ST3GAL2: variants seen among roughly 807,000 people sequenced by gnomAD.
ST3GAL2 encodes the protein ST3 beta-galactoside alpha-2,3-sialyltransferase 2, also known as CMP-N-acetylneuraminate-beta-galactosamide-alpha-2,3-sialyltransferase 2.
ST3GAL2 carries 16 observed loss-of-function variants against 37.5 expected under a neutral mutation model. The ratio of observed to expected loss-of-function variants is 0.43; its 90% confidence interval spans 0.29 to 0.65. The LOEUF (loss-of-function observed/expected upper bound fraction) is 0.65, where lower values mean the gene tolerates loss of function less well. Among genes scored for constraint, ST3GAL2 ranks in the 30% least tolerant of loss-of-function variants. The pLI is 0.17. For missense variants in ST3GAL2, 383 were observed against 487.8 expected (o/e 0.79, Z 2.02); for synonymous variants, 238 against 202.9 (o/e 1.17, Z -1.47).
intron 1 of ST3GAL2, among the ~76,000 whole-genome samples, chr16:70,433,528 C>T (rs2047805013): frequency 6.6e-6 from 1 of 152,174 alleles, no homozygotes; most frequent in African/African-American, 2.4e-5. Flanking sequence ...CAGCCCTTCC[C>T]TGGCCAAGGA....
At position 70,380,644 on chromosome 16, in the gene ST3GAL2, G is replaced by C. The variant is rs1423317796; in HGVS notation, c.*1045C>G. 1 of 152,400 alleles carries C rather than the reference G, an allele frequency of 6.6e-6. No homozygotes were observed. The highest frequency in any genetic ancestry group is 1.5e-5 in the Non-Finnish European group (1 of 68,176). 9.4% of individuals were successfully genotyped at this position (152,400 alleles called of 1,614,324 possible). On this transcript the variant is annotated 3_prime_UTR_variant, in exon 7 of 7. Transcript: ENST00000342907. ...CGGCTCCCGGCTGCGAGCTCTGCCA[G>C]CTCAGAATTTGCAAAGAATCTGCGG...
chr16:70,398,603 G>C lies in ST3GAL2; in HGVS notation c.-73C>G, dbSNP rs2047534215. ...CCGCTGAGGGGCCAGCCACGGCGTA[G>C]CCTGCCTATTCTGGCACCACATGCA... is the stretch of plus-strand genomic sequence containing the variant. On this transcript the variant is annotated 5_prime_UTR_variant, in exon 2 of 7. Coordinates refer to ENST00000342907, the MANE Select transcript of ST3GAL2 (RefSeq NM_006927.4). 7 of 1,419,152 alleles carry C rather than the reference G, an allele frequency of 4.9e-6. No homozygotes were observed. The highest frequency in any genetic ancestry group is 2.4e-4 in the Middle Eastern group (1 of 4,084). The allele number at this position is 1,419,152 out of a possible 1,614,324, so 87.9% of individuals were successfully genotyped here.
chr16:70,409,684 G>A (rs914831184), intron 1 of ST3GAL2, among the ~76,000 whole-genome samples: 1 of 151,912 alleles, frequency 6.6e-6, no homozygotes, highest in Non-Finnish European at 1.5e-5. Flanking sequence ...CTGCTGCCCA[G>A]ACTGGAATGC....
intron 1 of ST3GAL2, among the ~76,000 whole-genome samples, chr16:70,430,953 G>A (rs1374253225): frequency 1.3e-5 from 2 of 152,076 alleles, no homozygotes; most frequent in Non-Finnish European, 2.9e-5. Context: ...GCATCAAATC[G>A]CTGGTGCTTT....
chr16:70,421,426 C>T (rs548147734), intron 1 of ST3GAL2, among the ~76,000 whole-genome samples: 3 of 152,304 alleles, frequency 2.0e-5, no homozygotes, highest in Admixed American at 2.0e-4. Context: ...ACTGACCTGC[C>T]CTCCTGGATC....
intron 3 of ST3GAL2, among the ~76,000 whole-genome samples, chr16:70,389,920 G>A (rs2047471377): frequency 6.6e-6 from 1 of 151,888 alleles, no homozygotes; most frequent in Non-Finnish European, 1.5e-5. Flanking sequence ...CCAAGTAGCT[G>A]GGACTACAGG....
At chr16:70,437,187 C>CA (rs1188671207) in intron 1 of ST3GAL2, among the ~76,000 whole-genome samples, 4 of 152,238 alleles carry the variant, frequency 2.6e-5, no homozygotes, top group African/African-American at 9.6e-5. Flanking sequence ...CGCTCCCAGG[C>CA]AGGGTCACTC....
Position 70,398,409 on chromosome 16 carries a change from G to A in ST3GAL2, c.122C>T (p.Ala41Val). Residue 41 changes from alanine (A) to valine (V), a missense_variant, in exon 2 of 7, where the codon GCC becomes GTC. Physicochemically the swap from Ala to Val is moderately conservative, Grantham distance 64. Around this residue, in one of 2 missense-constraint regions of ST3GAL2, gnomAD observed 223 missense variants for 239.1 expected, o/e 0.93. Coordinates refer to ENST00000342907, the MANE Select transcript of ST3GAL2 (RefSeq NM_006927.4). Reference protein sequence around the residue: ...MATLPYLDSGALDGTHRVKLV... With the variant: ...MATLPYLDSGVLDGTHRVKLV... ...CTTCACCCGGTGCGTCCCATCCAGGGCCCCTGAGTCCAGGTAGGGGAGCGT... is the reference window on the plus strand; with the variant it reads ...CTTCACCCGGTGCGTCCCATCCAGGACCCCTGAGTCCAGGTAGGGGAGCGT... 1.2e-6 allele frequency: 2 copies of A among 1,613,712 alleles called. No homozygotes were observed. The highest frequency in any genetic ancestry group is 1.7e-6 in the Non-Finnish European group (2 of 1,180,010).
At chr16:70,410,478 C>A (rs2047630079) in intron 1 of ST3GAL2, among the ~76,000 whole-genome samples, 2 of 151,718 alleles carry the variant, frequency 1.3e-5, no homozygotes, top group African/African-American at 4.8e-5. Flanking sequence ...TGGTCTTGAT[C>A]TCCTGACCTC....
At chr16:70,411,663 G>A (rs1301479166) in intron 1 of ST3GAL2, among the ~76,000 whole-genome samples, 1 of 152,086 alleles carries the variant, frequency 6.6e-6, no homozygotes, top group African/African-American at 2.4e-5. Context: ...TTAAGTCATT[G>A]TGGGTTACTC....
intron 4 of ST3GAL2, among the ~76,000 whole-genome samples, chr16:70,385,695 GTTC>G (rs2047437654): frequency 2.0e-4 from 27 of 134,594 alleles, no homozygotes; most frequent in Admixed American, 2.0e-3. Context: ...TCCTTTTTTG[GTTC>G]TTTTTTTTTT....
intron 1 of ST3GAL2, among the ~76,000 whole-genome samples, chr16:70,427,465 A>G (rs1232762644): frequency 6.6e-6 from 1 of 151,768 alleles, no homozygotes; most frequent in East Asian, 1.9e-4. Context: ...CAGCCTCCCA[A>G]GTAGCTGGGA....
At chr16:70,400,671 T>C (rs1432445700) in intron 1 of ST3GAL2, 1 of 152,260 alleles carries the variant, frequency 6.6e-6, no homozygotes, top group Non-Finnish European at 1.5e-5. Context: ...TGAGAAATGA[T>C]GTTCACAAAA....
At chr16:70,422,059 C>T (rs1275309205) in intron 1 of ST3GAL2, among the ~76,000 whole-genome samples, 1 of 152,200 alleles carries the variant, frequency 6.6e-6, no homozygotes, top group Non-Finnish European at 1.5e-5. Flanking sequence ...AGCCACCAAG[C>T]CCAGCCTGCA....
At chr16:70,385,693 T>A (rs2151657294) in intron 4 of ST3GAL2, among the ~76,000 whole-genome samples, 1 of 148,470 alleles carries the variant, frequency 6.7e-6, no homozygotes. Flanking sequence ...GTTCCTTTTT[T>A]GGTTCTTTTT....
intron 1 of ST3GAL2, among the ~76,000 whole-genome samples, chr16:70,429,922 G>T (rs905894253): frequency 2.6e-5 from 4 of 152,150 alleles, no homozygotes; most frequent in Non-Finnish European, 2.9e-5. Context: ...GAGGGGTAAT[G>T]ACTTGCCCCG....
chr16:70,379,772 C>T lies in ST3GAL2; in HGVS notation c.*1917G>A, dbSNP rs908893107. On this transcript the variant is annotated 3_prime_UTR_variant, in exon 7 of 7. Transcript: ENST00000342907. ...AAGTAGCTGGGATTACAGGTGCGCA[C>T]CACTGCGCCTGGCTAATTTTTGTAT... is the stretch of plus-strand genomic sequence containing the variant. 1 of 151,784 alleles carries T rather than the reference C, an allele frequency of 6.6e-6. No individual in the cohort carries two copies. Among genetic ancestry groups the T allele is most frequent in the Non-Finnish European group, 1.5e-5 (1 of 68,062 alleles). The allele number at this position is 151,784 out of a possible 1,614,324, so 9.4% of individuals were successfully genotyped here.
intron 1 of ST3GAL2, among the ~76,000 whole-genome samples, chr16:70,424,494 G>A (rs552033983): frequency 1.3e-5 from 2 of 151,770 alleles, no homozygotes; most frequent in Non-Finnish European, 2.9e-5. Flanking sequence ...CCAGCTACTC[G>A]GGAGGCTGAG....
At chr16:70,388,312 T>A (rs1186768826) in intron 4 of ST3GAL2, 55 bp downstream of exon 4, 13 of 1,606,826 alleles carry the variant, frequency 8.1e-6, no homozygotes, top group Non-Finnish European at 1.1e-5. Flanking sequence ...CCTAGAAGAC[T>A]CTGCCCAAGA....
Sources: gnomAD v4.1 joint callset for allele counts (sites outside exome capture counted in the v4.1 genomes callset) on GRCh38, gnomAD v4.1.1 for gene constraint, gnomAD v4.1.1 regional missense constraint, MANE v1.5 for transcripts, NCBI Gene and HGNC (gene_info 2026-07-23, HGNC 2026-07-21) for gene names.